The following POLR3B variants were observed in gnomAD, a reference collection of about 807,000 sequenced individuals.
POLR3B encodes DNA-directed RNA polymerase III subunit RPC2.
POLR3B carries 96 observed loss-of-function variants against 147.4 expected under a neutral mutation model. The ratio of observed to expected loss-of-function variants is 0.65; its 90% CI spans 0.55 to 0.77. POLR3B has a LOEUF of 0.77. POLR3B is among the 30% of genes least tolerant of loss of function. POLR3B has a pLI of 0.00. For synonymous variants in POLR3B, 461 were observed against 485.9 expected, an observed-to-expected ratio of 0.95 and a Z score of 0.67; for missense variants, 1,036 against 1,413.5, an observed-to-expected ratio of 0.73 and a Z score of 4.28.
At chr12:106,372,200 C>T (rs1054866769) in intron 6 of POLR3B, among the ~76,000 whole-genome samples, 6 of 152,070 alleles carry the variant, frequency 3.9e-5, no homozygotes, top group Non-Finnish European at 7.4e-5. Context: ...TACATAAAAA[C>T]ATTTGATTCA....
intron 11 of POLR3B, 29 bp downstream of exon 11, chr12:106,406,005 G>A (rs769695890): frequency 6.2e-7 from 1 of 1,610,512 alleles, no homozygotes; most frequent in South Asian, 1.1e-5. Flanking sequence ...TTGTGAATAA[G>A]GACTGTGGGG....
At chr12:106,378,850 G>A (rs2036718480) in intron 8 of POLR3B, among the ~76,000 whole-genome samples, 2 of 152,236 alleles carry the variant, frequency 1.3e-5, no homozygotes, top group South Asian at 2.1e-4. Flanking sequence ...CTTTCACAGT[G>A]TATTCATTTT....
intron 1 of POLR3B, among the ~76,000 whole-genome samples, chr12:106,362,084 T>C (rs2036478639): frequency 6.6e-6 from 1 of 152,102 alleles, no homozygotes; most frequent in East Asian, 1.9e-4. Flanking sequence ...AAGAAAGTAG[T>C]CAGAGGAGCT....
At chr12:106,366,976 A>G (rs1414913318) in intron 4 of POLR3B, among the ~76,000 whole-genome samples, 3 of 152,146 alleles carry the variant, frequency 2.0e-5, no homozygotes, top group Admixed American at 6.6e-5. Flanking sequence ...GGTGGTGCAC[A>G]TCTGTAATTC....
At chr12:106,361,951 C>G (rs1002210124) in intron 1 of POLR3B, among the ~76,000 whole-genome samples, 1 of 152,130 alleles carries the variant, frequency 6.6e-6, no homozygotes, top group African/African-American at 2.4e-5. Context: ...TGACCTCTGT[C>G]GAGCTCTTTC....
intron 18 of POLR3B, among the ~76,000 whole-genome samples, chr12:106,443,044 A>T (rs939943797): frequency 1.3e-4 from 20 of 152,260 alleles, no homozygotes; most frequent in African/African-American, 4.8e-4. Context: ...AGCCACCTAT[A>T]TAACCTCAAA....
chr12:106,384,483 C>T (rs1045243766), intron 9 of POLR3B, among the ~76,000 whole-genome samples: 1 of 152,178 alleles, frequency 6.6e-6, no homozygotes, highest in Admixed American at 6.5e-5. Flanking sequence ...TATGCACTGA[C>T]ACAGAGTGGT....
At chr12:106,501,173 C>A in intron 25 of POLR3B, 150 bp from the exon 26 acceptor site, 1 of 667,698 alleles carries the variant, frequency 1.5e-6, no homozygotes, top group South Asian at 1.7e-5. Context: ...CATATTTTTA[C>A]AACTAGTCTT....
At chr12:106,362,414 A>G (rs1210730991) in intron 1 of POLR3B, among the ~76,000 whole-genome samples, 3 of 152,200 alleles carry the variant, frequency 2.0e-5, no homozygotes, top group Non-Finnish European at 4.4e-5. Flanking sequence ...TTGTTTTCTC[A>G]TAGTTCTGGA....
intron 9 of POLR3B, among the ~76,000 whole-genome samples, chr12:106,391,972 C>G (rs2036920208): frequency 6.6e-6 from 1 of 152,170 alleles, no homozygotes; most frequent in South Asian, 2.1e-4. Context: ...AAGAAGCTGA[C>G]TATTACTCTT....
chr12:106,369,993 G>A (rs776084935), intron 6 of POLR3B, among the ~76,000 whole-genome samples: 2 of 151,996 alleles, frequency 1.3e-5, no homozygotes, highest in East Asian at 3.9e-4. Flanking sequence ...TGGTGGATAG[G>A]TATATTCTGA....
chr12:106,394,180 C>A (rs1476792716), intron 10 of POLR3B, among the ~76,000 whole-genome samples: 2 of 152,056 alleles, frequency 1.3e-5, no homozygotes, highest in African/African-American at 4.8e-5. Flanking sequence ...CGAAATAGGT[C>A]AGTATATATA....
intron 7 of POLR3B, among the ~76,000 whole-genome samples, chr12:106,376,801 A>G (rs964362615): frequency 7.2e-5 from 11 of 152,046 alleles, no homozygotes; most frequent in Admixed American, 7.2e-4. Context: ...TATTTTTAGT[A>G]GAGATGGTGT....
Position 106,387,021 on chromosome 12 carries a change from G to A in POLR3B, c.724-6010G>A, listed in dbSNP as rs75296270. Among the ~76,000 whole-genome samples, 498 of 152,256 alleles carry A rather than the reference G, an allele frequency of 3.3e-3. 4 individuals are homozygous for A. Among genetic ancestry groups the A allele is most frequent in the African/African-American group, 0.011 (475 of 41,550 alleles). On this transcript the variant is annotated intron_variant, in intron 9 of 27. Transcript: ENST00000228347. The stretch of plus-strand genomic sequence containing the variant: ...TGACTTAAATCCTTTTTAGAATAGG[G>A]CTGTAAATTAACAATATGCATATTT...
intron 12 of POLR3B, among the ~76,000 whole-genome samples, chr12:106,414,069 T>C (rs7139139): frequency 0.34 from 50,905 of 151,270 alleles, 11,418 homozygotes; most frequent in African/African-American, 0.64. Flanking sequence ...AATTCCATAT[T>C]TGATAACTGT....
intron 4 of POLR3B, 142 bp from the exon 5 acceptor site, chr12:106,369,133 C>G: frequency 1.4e-6 from 1 of 704,828 alleles, no homozygotes; most frequent in Admixed American, 2.0e-5. Flanking sequence ...AAGAAGATCT[C>G]CAATTTTAAT....
intron 9 of POLR3B, among the ~76,000 whole-genome samples, chr12:106,388,821 AGTGT>A (rs1183103912): frequency 3.3e-5 from 5 of 152,202 alleles, no homozygotes; most frequent in African/African-American, 1.2e-4. Flanking sequence ...TGTCACCATT[AGTGT>A]GTGTATCAGT....
chr12:106,491,478 C>G (rs1224828299), intron 23 of POLR3B, among the ~76,000 whole-genome samples: 1 of 152,228 alleles, frequency 6.6e-6, no homozygotes, highest in Admixed American at 6.5e-5. Flanking sequence ...AAACACAGCT[C>G]TCTTCTTGCA....
intron 27 of POLR3B, among the ~76,000 whole-genome samples, chr12:106,506,168 C>CT (rs1439513783): frequency 6.6e-6 from 1 of 152,054 alleles, no homozygotes; most frequent in Non-Finnish European, 1.5e-5. Flanking sequence ...ATTGAGCTTG[C>CT]TTTTTATAGT....
Sources: gnomAD v4.1 joint callset for allele counts (sites outside exome capture counted in the v4.1 genomes callset) on GRCh38, gnomAD v4.1.1 for gene constraint, MANE v1.5 for transcripts, NCBI Gene and HGNC (gene_info 2026-07-23, HGNC 2026-07-21) for gene names.